Variants in PCDH9 observed in about 807,000 individuals in gnomAD.
PCDH9 encodes protocadherin 9.
Under a neutral mutation model 70.6 loss-of-function variants are expected in PCDH9, and 24 were observed. That is an observed-to-expected ratio of 0.34 (90% confidence interval 0.25 to 0.48). The LOEUF is 0.48. PCDH9 is among the 20% of genes least tolerant of loss of function. The pLI is 0.99. For missense variants in PCDH9, 1,281 were observed against 1,503.6 expected (o/e 0.85, Z 2.45); for synonymous variants, 562 against 558.5 (o/e 1.01, Z -0.09).
intron 3 of PCDH9, among the ~76,000 whole-genome samples, chr13:66,876,264 A>G (rs966775798): frequency 7.9e-5 from 12 of 152,170 alleles, no homozygotes; most frequent in Non-Finnish European, 1.2e-4. Context: ...GTAAAAAAAA[A>G]TATTCAATTA....
At chr13:67,071,888 C>CAAAAAAAAGAAAAA (rs2085771584) in intron 2 of PCDH9, among the ~76,000 whole-genome samples, 1 of 86,688 alleles carries the variant, frequency 1.2e-5, no homozygotes, top group Non-Finnish European at 2.3e-5. Flanking sequence ...GACTTTGTCT[C>CAAAAAAAAGAAAAA]AAAAAAAAAA....
intron 4 of PCDH9, among the ~76,000 whole-genome samples, chr13:66,339,596 G>A (rs1019813518): frequency 6.6e-6 from 1 of 152,102 alleles, no homozygotes; most frequent in Admixed American, 6.6e-5. Context: ...GAATAGCATT[G>A]CTAAGCAAAT....
chr13:66,707,941 C>A (rs1269371362), intron 3 of PCDH9, among the ~76,000 whole-genome samples: 2 of 152,216 alleles, frequency 1.3e-5, no homozygotes, highest in African/African-American at 2.4e-5. Flanking sequence ...CACCAATTTT[C>A]ATATCAATTC....
chr13:66,374,187 G>C (rs1199440916), intron 4 of PCDH9, among the ~76,000 whole-genome samples: 1 of 151,824 alleles, frequency 6.6e-6, no homozygotes, highest in East Asian at 1.9e-4. Context: ...TCACTTACCA[G>C]GTCTGTATAT....
At chr13:66,429,097 C>G (rs1304462724) in intron 4 of PCDH9, among the ~76,000 whole-genome samples, 1 of 150,656 alleles carries the variant, frequency 6.6e-6, no homozygotes, top group Admixed American at 6.6e-5. Context: ...TAAGAAAGAA[C>G]ACACACTGTT....
In PCDH9 at chr13:66,829,871, T is replaced by C. The variant is rs530644416; in HGVS notation, c.3138+73633A>G. 4.6e-4 allele frequency among the ~76,000 whole-genome samples: 70 copies of C among 151,980 alleles called. 1 individual carries two copies. The South Asian group carries it at 0.014, about 31-fold the overall frequency. ...CAAATCTTTCTTCAGAAATCCAAAG[T>C]TTGGATTCAAAAATAGCTACTTTAC... On this transcript the variant is annotated intron_variant, in intron 3 of 4. Transcript: ENST00000377865.
intron 4 of PCDH9, among the ~76,000 whole-genome samples, chr13:66,418,559 T>C (rs960234742): frequency 6.6e-6 from 1 of 152,024 alleles, no homozygotes; most frequent in Admixed American, 6.6e-5. Context: ...AAAGACACAA[T>C]ATACTAGAAT....
chr13:66,381,203 C>G (rs561816973), intron 4 of PCDH9, among the ~76,000 whole-genome samples: 3 of 152,152 alleles, frequency 2.0e-5, no homozygotes, highest in African/African-American at 7.2e-5. Context: ...AGGGCTTCAA[C>G]TTTCTTTTCC....
At chr13:66,827,360 CAAA>C (rs71110608) in intron 3 of PCDH9, among the ~76,000 whole-genome samples, 2 of 120,280 alleles carry the variant, frequency 1.7e-5, no homozygotes, top group African/African-American at 6.2e-5. Context: ...AGGAAAATGG[CAAA>C]AAAAAAAAAA....
At chr13:67,158,619 C>T (rs957580622) in intron 2 of PCDH9, among the ~76,000 whole-genome samples, 14 of 152,200 alleles carry the variant, frequency 9.2e-5, no homozygotes, top group African/African-American at 2.2e-4. Context: ...AGTGCTTTCA[C>T]CAGACACCAG....
rs115704396 is a variant in PCDH9 at position 67,124,984 on chromosome 13, C to T, written c.3036+100421G>A. 3.9e-3 allele frequency among the ~76,000 whole-genome samples: 594 copies of T among 152,154 alleles called. 6 individuals carry two copies. The highest frequency in any genetic ancestry group is 0.014 in the African/African-American group (571 of 41,500). On this transcript the variant is annotated intron_variant, in intron 2 of 4. Transcript: ENST00000377865. ...CCTGTGACAAGCCTGGGACTAGAACCCAGGTTGTGCATAAGGAGTAGGAAG... is the reference window on the plus strand; with the variant it reads ...CCTGTGACAAGCCTGGGACTAGAACTCAGGTTGTGCATAAGGAGTAGGAAG...
chr13:67,064,045 C>T (rs1389439693), intron 2 of PCDH9, among the ~76,000 whole-genome samples: 2 of 152,138 alleles, frequency 1.3e-5, no homozygotes, highest in Non-Finnish European at 2.9e-5. Context: ...GATAGTTCTC[C>T]TGGCCTCATT....
intron 4 of PCDH9, among the ~76,000 whole-genome samples, chr13:66,580,208 T>TTATG (rs2076871086): frequency 6.6e-6 from 1 of 152,074 alleles, no homozygotes; most frequent in South Asian, 2.1e-4. Context: ...TAACCAAATA[T>TTATG]TCTCTTATAA....
chr13:67,228,649 A>C (rs1453215298), intron 1 of PCDH9, 74 bp from the exon 2 acceptor site: 3 of 414,786 alleles, frequency 7.2e-6, no homozygotes, highest in Non-Finnish European at 8.6e-6. Flanking sequence ...ATCACCACAC[A>C]TTTTCCCCTG....
chr13:66,832,003 C>T (rs527911650), intron 3 of PCDH9, among the ~76,000 whole-genome samples: 104 of 152,234 alleles, frequency 6.8e-4, no homozygotes, highest in African/African-American at 2.5e-3. Context: ...TCTTTTCCTA[C>T]AGCTGTGTGC....
Position 66,484,598 on chromosome 13 carries a change from T to C in PCDH9, c.3340+146612A>G, listed in dbSNP as rs73511735. On this transcript the variant is annotated intron_variant, in intron 4 of 4. Transcript: ENST00000377865. ...TTACAGTTTCCTAGCTTTCTTGCCA[T>C]TGATACTGAGAAAGAAACTCTAACA... Among the ~76,000 whole-genome samples, 966 of 152,342 alleles carry C rather than the reference T, an allele frequency of 6.3e-3. 9 individuals are homozygous for C. The highest frequency in any genetic ancestry group is 0.022 in the African/African-American group (922 of 41,576).
At chr13:66,727,353 G>T (rs771402646) in intron 3 of PCDH9, among the ~76,000 whole-genome samples, 12 of 152,098 alleles carry the variant, frequency 7.9e-5, no homozygotes, top group Non-Finnish European at 1.6e-4. Flanking sequence ...AAATATAAGA[G>T]GAGAGTTCAT....
chr13:66,772,854 A>G (rs1206790000), intron 3 of PCDH9, among the ~76,000 whole-genome samples: 2 of 152,050 alleles, frequency 1.3e-5, no homozygotes, highest in Non-Finnish European at 2.9e-5. Flanking sequence ...TATTAAAGTC[A>G]TTTTAATTTC....
intron 4 of PCDH9, among the ~76,000 whole-genome samples, chr13:66,585,697 T>C (rs1030020180): frequency 1.3e-5 from 2 of 152,178 alleles, no homozygotes; most frequent in Non-Finnish European, 2.9e-5. Flanking sequence ...ACCTCACTTA[T>C]TCTGTCAGAG....
Sources: allele counts gnomAD v4.1 joint callset (sites outside exome capture counted in the v4.1 genomes callset), GRCh38; gene constraint gnomAD v4.1.1; transcripts MANE v1.5; gene names NCBI Gene and HGNC (gene_info 2026-07-23, HGNC 2026-07-21).